MSI2: variants seen among roughly 807,000 people sequenced by gnomAD.
MSI2 encodes the protein musashi RNA binding protein 2, also known as RNA-binding protein Musashi homolog 2.
A neutral mutation model predicts 45.6 loss-of-function variants in MSI2; 17 were observed. The observed-to-expected ratio is 0.37, with a 90% confidence interval of 0.26 to 0.56. The LOEUF (loss-of-function observed/expected upper bound fraction) is 0.56. Among genes scored for constraint, MSI2 ranks in the 20% least tolerant of loss-of-function variants. The probability of loss-of-function intolerance (pLI) is 0.77; values close to 1 mark genes in which losing one functional copy is unlikely to be tolerated. For missense variants in MSI2, 293 were observed against 444.2 expected (o/e 0.66, Z 3.06); for synonymous variants, 156 against 158.2 (o/e 0.99, Z 0.11).
In MSI2 at chr17:57,680,364, T is replaced by C; in HGVS notation, c.*847T>C. On this transcript the variant is annotated 3_prime_UTR_variant, in exon 14 of 14. Coordinates refer to ENST00000284073, the MANE Select transcript of MSI2 (RefSeq NM_138962.4). ...AAGAAATGTTGTAAATACAATTCCA[T>C]TAACTACATAGAAACTATTAAGAAA... The C allele has an allele frequency of 4.4e-6, 1 of 226,756 alleles. No homozygotes were observed. Among genetic ancestry groups the C allele is most frequent in the East Asian group, 6.4e-5 (1 of 15,726 alleles). The allele number at this position is 226,756 out of a possible 1,614,324, so 14.0% of individuals were successfully genotyped here.
chr17:57,346,563 C>CT (rs139218799), intron 5 of MSI2, among the ~76,000 whole-genome samples: 5,556 of 152,126 alleles, frequency 0.037, 334 homozygotes, highest in African/African-American at 0.13. Context: ...AATAATCTTT[C>CT]TTTTTTTGTT....
Position 57,649,751 on chromosome 17 carries a change from G to C in MSI2, c.728-2348G>C, listed in dbSNP as rs554503401. On this transcript the variant is annotated intron_variant, in intron 10 of 13. Transcript: ENST00000284073. Reference sequence around the variant, plus strand: ...GGCTGGATGGCCTAATGGAACAGGAGGGGGATGGCGAGGAGCAGCAGAAGG... The same window carrying C: ...GGCTGGATGGCCTAATGGAACAGGACGGGGATGGCGAGGAGCAGCAGAAGG... 1.4e-4 allele frequency among the ~76,000 whole-genome samples: 21 copies of C among 152,330 alleles called. No homozygotes were observed. In the South Asian group the frequency reaches 3.9e-3, roughly 29 times the overall value.
intron 5 of MSI2, among the ~76,000 whole-genome samples, chr17:57,336,008 G>C (rs1435346693): frequency 2.0e-5 from 3 of 152,208 alleles, no homozygotes; most frequent in Non-Finnish European, 4.4e-5. Context: ...TGAGCAGAGA[G>C]GACTTCAGAG....
chr17:57,334,121 C>T (rs1439965837), intron 5 of MSI2, among the ~76,000 whole-genome samples: 1 of 152,192 alleles, frequency 6.6e-6, no homozygotes, highest in South Asian at 2.1e-4. Flanking sequence ...CACACGGATG[C>T]GTGGAGACTG....
Position 57,639,636 on chromosome 17 carries a change from C to T in MSI2, c.727+12333C>T, listed in dbSNP as rs116207926. Among the ~76,000 whole-genome samples, 603 of 152,342 alleles carry T rather than the reference C, an allele frequency of 4.0e-3. 4 individuals are homozygous for T. Among genetic ancestry groups the T allele is most frequent in the African/African-American group, 0.014 (576 of 41,582 alleles). On this transcript the variant is annotated intron_variant, in intron 10 of 13. Coordinates refer to ENST00000284073, the MANE Select transcript of MSI2 (RefSeq NM_138962.4). ...GGAAAGGGAGAGGCAAGTGTAGCCTCCTGTTCCTTCCACTGAGGTCCTGCT... is the reference window on the plus strand; with the variant it reads ...GGAAAGGGAGAGGCAAGTGTAGCCTTCTGTTCCTTCCACTGAGGTCCTGCT...
chr17:57,674,182 A>G (rs913926202), intron 11 of MSI2, among the ~76,000 whole-genome samples: 5 of 147,660 alleles, frequency 3.4e-5, no homozygotes, highest in Non-Finnish European at 7.4e-5. Flanking sequence ...TCTCCATAAC[A>G]TATCCCATCC....
At chr17:57,512,838 A>G (rs2086383404) in intron 6 of MSI2, among the ~76,000 whole-genome samples, 1 of 152,150 alleles carries the variant, frequency 6.6e-6, no homozygotes, top group South Asian at 2.1e-4. Flanking sequence ...CTAACTGTAG[A>G]AAGAGGGAGG....
At chr17:57,633,083 T>C in intron 10 of MSI2, 1 of 1,034,670 alleles carries the variant, frequency 9.7e-7, no homozygotes. Flanking sequence ...GTGAATTTTC[T>C]TCATCTCTGT....
At chr17:57,602,334 T>A (rs1905984713) in intron 8 of MSI2, among the ~76,000 whole-genome samples, 1 of 151,908 alleles carries the variant, frequency 6.6e-6, no homozygotes, top group Non-Finnish European at 1.5e-5. Context: ...GCTTTCTGTT[T>A]TTTGTTTTTT....
chr17:57,314,298 G>C (rs922291249), intron 5 of MSI2, among the ~76,000 whole-genome samples: 8 of 152,134 alleles, frequency 5.3e-5, no homozygotes, highest in Non-Finnish European at 1.5e-5. Context: ...TGAAGTACCA[G>C]GGCTTAGGAC....
At chr17:57,310,109 C>T (rs1464793547) in intron 5 of MSI2, among the ~76,000 whole-genome samples, 2 of 152,252 alleles carry the variant, frequency 1.3e-5, no homozygotes, top group African/African-American at 4.8e-5. Flanking sequence ...GTACTGTATT[C>T]TCCCTCTTTC....
chr17:57,597,218 G>A (rs1905324562), intron 8 of MSI2, among the ~76,000 whole-genome samples: 1 of 151,966 alleles, frequency 6.6e-6, no homozygotes, highest in Admixed American at 6.5e-5. Flanking sequence ...GCGTCCATAG[G>A]CAATGCATAC....
rs140874731 is a variant in MSI2 at position 57,407,266 on chromosome 17, C to T, written c.405+5795C>T. ...AGGAAGCGCTGGGTGCCTGCGATCT[C>T]CCAGCTCCGGGGTTTTCTGTGCAGG... On this transcript the variant is annotated intron_variant, in intron 6 of 13. Coordinates refer to ENST00000284073, the MANE Select transcript of MSI2 (RefSeq NM_138962.4). The surrounding 1 kb of genome is among the most constrained non-coding windows in gnomAD (Gnocchi z 4.1). 4.6e-5 allele frequency among the ~76,000 whole-genome samples: 7 copies of T among 152,196 alleles called. No individual in the cohort carries two copies. Among genetic ancestry groups the T allele is most frequent in the African/African-American group, 1.4e-4 (6 of 41,512 alleles).
chr17:57,426,547 A>G (rs1852125683), intron 6 of MSI2, among the ~76,000 whole-genome samples: 1 of 152,178 alleles, frequency 6.6e-6, no homozygotes, highest in Non-Finnish European at 1.5e-5. Flanking sequence ...ACTTTTCCCC[A>G]ATTGTAGACA....
intron 7 of MSI2, among the ~76,000 whole-genome samples, chr17:57,547,788 ACG>A (rs1491555357): frequency 1.4e-5 from 2 of 146,514 alleles, no homozygotes; most frequent in East Asian, 4.0e-4. Flanking sequence ...ACACACACAC[ACG>A]TCTCTGGAGA....
chr17:57,272,453 A>G (rs1181107552), intron 5 of MSI2, among the ~76,000 whole-genome samples: 1 of 152,202 alleles, frequency 6.6e-6, no homozygotes, highest in Non-Finnish European at 1.5e-5. Flanking sequence ...GGAGAGGGGA[A>G]AAGAAAACCT....
intron 5 of MSI2, among the ~76,000 whole-genome samples, chr17:57,338,206 A>G (rs1391225123): frequency 1.3e-5 from 2 of 151,988 alleles, no homozygotes; most frequent in African/African-American, 4.8e-5. Context: ...CCTCCTCCTC[A>G]GCCTCCTGAG....
At chr17:57,322,081 G>A (rs1189605153) in intron 5 of MSI2, among the ~76,000 whole-genome samples, 1 of 152,214 alleles carries the variant, frequency 6.6e-6, no homozygotes, top group African/African-American at 2.4e-5. Context: ...ACAGGTGTGA[G>A]CCACCGCGCC....
chr17:57,514,687 G>A (rs924566154), intron 6 of MSI2, among the ~76,000 whole-genome samples: 3 of 148,364 alleles, frequency 2.0e-5, no homozygotes, highest in Middle Eastern at 3.2e-3. Context: ...GAAGATATGG[G>A]TTTTTCCCTC....
Sources: gnomAD v4.1 joint callset for allele counts (sites outside exome capture counted in the v4.1 genomes callset) on GRCh38, gnomAD v4.1.1 for gene constraint, Gnocchi (gnomAD v3.1) non-coding constraint, MANE v1.5 for transcripts, NCBI Gene and HGNC (gene_info 2026-07-23, HGNC 2026-07-21) for gene names.